FLRT3: variants seen among roughly 807,000 people sequenced by gnomAD.
The protein encoded by FLRT3 is leucine-rich repeat transmembrane protein FLRT3.
In FLRT3, 17 loss-of-function variants were observed where a neutral mutation model predicts 42.6. The ratio of observed to expected loss-of-function variants is 0.40; its 90% confidence interval spans 0.27 to 0.60. FLRT3 has a LOEUF of 0.60. Among genes scored for constraint, FLRT3 ranks in the 20% least tolerant of loss-of-function variants. The pLI is 0.44. For missense variants in FLRT3, 635 were observed against 789.2 expected (o/e 0.80, Z 2.34); for synonymous variants, 279 against 286.4 (o/e 0.97, Z 0.26).
rs2082943795 is a variant in FLRT3, at chr20:14,336,714, T to G, written c.-247+690A>C. Among the ~76,000 whole-genome samples, 2 of 152,228 alleles carry G rather than the reference T, an allele frequency of 1.3e-5. 1 individual carries two copies. Among genetic ancestry groups the G allele is most frequent in the South Asian group, 4.1e-4 (2 of 4,834 alleles). ...TTAGCCATTTACTATGCTAGTCACATACTTCACTTGCCTAAGCAATGGATT... is the reference window on the plus strand; with the variant it reads ...TTAGCCATTTACTATGCTAGTCACAGACTTCACTTGCCTAAGCAATGGATT... On this transcript the variant is annotated intron_variant, in intron 1 of 2. Transcript: ENST00000341420.
intron 1 of FLRT3, among the ~76,000 whole-genome samples, 199 bp downstream of exon 1, chr20:14,337,205 G>C (rs190306915): frequency 6.6e-6 from 1 of 152,122 alleles, no homozygotes; most frequent in Admixed American, 6.6e-5. Context: ...ATGAAAGAAG[G>C]TTCTAAGAAA....
intron 1 of FLRT3, among the ~76,000 whole-genome samples, chr20:14,334,131 A>G (rs541726051): frequency 6.6e-6 from 1 of 152,326 alleles, no homozygotes; most frequent in Non-Finnish European, 1.5e-5. Flanking sequence ...TTTTGCTTAA[A>G]TTATATTCTA....
chr20:14,327,239 G>C lies in FLRT3; in HGVS notation c.268C>G (p.Leu90Val), dbSNP rs777008938. The C allele has an allele frequency of 1.2e-6, 2 of 1,613,668 alleles. No homozygotes were observed. Among genetic ancestry groups the C allele is most frequent in the Non-Finnish European group, 1.7e-6 (2 of 1,179,746 alleles). ...AATTCATCTAAACTGTTGTGGTATA[G>C]GTATATTCTTTCTACTTTCAGCAAG... ...KNLLKVERIY[L>V]YHNSLDEFPT... Residue 90 changes from leucine (L) to valine (V), a missense_variant, in exon 3 of 3, where the codon CTA becomes GTA. By Grantham distance (32) the Leu-to-Val change is conservative (BLOSUM62 1). Transcript: ENST00000341420.
chr20:14,326,801 A>C lies in FLRT3; in HGVS notation c.706T>G (p.Ser236Ala). The change falls in exon 3 of 3, where the codon TCC becomes GCC. Residue 236 changes from serine to alanine, a missense_variant. Coordinates refer to ENST00000341420, the MANE Select transcript of FLRT3 (RefSeq NM_198391.3). This position sits in a 1 kb window ranked among gnomAD's most constrained non-coding sequence, Gnocchi z 5.5. ...AGGTTTACTGGTGCAGCAGTCAGGG[A>C]ATTCCGCACCAGGGACAGCTCTGTC... ...NLTELSLVRN[S>A]LTAAPVNLPG... 6.2e-7 allele frequency: 1 copy of C among 1,613,808 alleles called. No individual in the cohort carries two copies. Among genetic ancestry groups the C allele is most frequent in the South Asian group, 1.1e-5 (1 of 91,084 alleles).
intron 2 of FLRT3, among the ~76,000 whole-genome samples, chr20:14,328,206 A>G (rs1415968411): frequency 2.0e-5 from 3 of 152,136 alleles, no homozygotes; most frequent in Admixed American, 2.0e-4. Context: ...GATTTCTGCA[A>G]GAAAATAAGA....
rs2082717998 is a variant in FLRT3, at chr20:14,325,475, T to C, written c.*82A>G. 9 of 1,389,544 alleles carry C rather than the reference T, an allele frequency of 6.5e-6. No homozygotes were observed. The highest frequency in any genetic ancestry group is 4.3e-5 in the African/African-American group (3 of 69,192). The allele number at this position is 1,389,544 out of a possible 1,614,324, so 86.1% of individuals were successfully genotyped here. On this transcript the variant is annotated 3_prime_UTR_variant, in exon 3 of 3. Coordinates refer to ENST00000341420, the MANE Select transcript of FLRT3 (RefSeq NM_198391.3). ...TTTTTCAGTCTCTTTTTCCAGTGTT[T>C]TGCAGTAGAACAGGGTTCCTACCAT...
In FLRT3 at chr20:14,327,396, G is replaced by T; in HGVS notation, c.111C>A (p.Cys37Ter). The part of the protein sequence containing the change: ...MAKSCPSVCR[C>*]DAGFIYCNDR... The stretch of plus-strand genomic sequence containing the variant: ...CATTACAGTAAATGAAACCCGCATC[G>T]CAGCGACACACAGATGGACAGGATT... Residue 37 changes from cysteine (C) to a stop codon, truncating the protein, a stop_gained, in exon 3 of 3, where the codon TGC becomes TGA. Transcript: ENST00000341420. LOFTEE classifies it high-confidence loss of function. The T allele has an allele frequency of 6.2e-7, 1 of 1,613,628 alleles. No individual in the cohort carries two copies. Among genetic ancestry groups the T allele is most frequent in the Non-Finnish European group, 8.5e-7 (1 of 1,179,680 alleles).
chr20:14,324,724 A>G lies in FLRT3; in HGVS notation c.*833T>C, dbSNP rs1039756996. ...GATGGTATAGGCAAAACCAAAATGC[A>G]GTTTTGGTATTTGTGTTCATTACAC... On this transcript the variant is annotated 3_prime_UTR_variant, in exon 3 of 3. Coordinates refer to ENST00000341420, the MANE Select transcript of FLRT3 (RefSeq NM_198391.3). The G allele has an allele frequency of 6.6e-6, 1 of 152,142 alleles. No individual in the cohort carries two copies. Among genetic ancestry groups the G allele is most frequent in the Non-Finnish European group, 1.5e-5 (1 of 68,018 alleles). 9.4% of individuals were successfully genotyped at this position (152,142 alleles called of 1,614,324 possible).
chr20:14,325,921 A>G lies in FLRT3; in HGVS notation c.1586T>C (p.Leu529Ser). ...KEPYKNPNLP[L>S]AAIIGGAVAL... ...CACAGCCCCACCAATGATGGCAGCC[A>G]AAGGTAAATTGGGGTTTTTGTAAGG... is the stretch of plus-strand genomic sequence containing the variant. Residue 529 changes from leucine (L) to serine (S), a missense_variant, in exon 3 of 3, where the codon TTG (leucine) becomes TCG (serine). Physicochemically the swap from Leu to Ser is moderately radical, Grantham distance 145. Coordinates refer to ENST00000341420, the MANE Select transcript of FLRT3 (RefSeq NM_198391.3). The G allele has an allele frequency of 6.2e-7, 1 of 1,613,954 alleles. No individual in the cohort carries two copies. Among genetic ancestry groups the G allele is most frequent in the Non-Finnish European group, 8.5e-7 (1 of 1,179,884 alleles).
chr20:14,332,589 G>C (rs921881229), intron 1 of FLRT3, among the ~76,000 whole-genome samples: 1 of 152,094 alleles, frequency 6.6e-6, no homozygotes, highest in Non-Finnish European at 1.5e-5. Context: ...ATTAATTCAA[G>C]TATAAGGTTT....
Position 14,325,447 on chromosome 20 carries a change from CT to C in FLRT3, c.*109del. ...TATATGGCAAATGTACAGTACATTG[CT>C]TTTTTTCAGTCTCTTTTTCCAGTGT... On this transcript the variant is annotated 3_prime_UTR_variant, in exon 3 of 3. Transcript: ENST00000341420. 1.7e-6 allele frequency: 2 copies of C among 1,210,726 alleles called. No homozygotes were observed. Among genetic ancestry groups the C allele is most frequent in the Non-Finnish European group, 1.2e-6 (1 of 865,008 alleles). The allele number at this position is 1,210,726 out of a possible 1,614,324, so 75.0% of individuals were successfully genotyped here.
At chr20:14,333,332 T>A (rs1568563493) in intron 1 of FLRT3, among the ~76,000 whole-genome samples, 1 of 152,204 alleles carries the variant, frequency 6.6e-6, no homozygotes. Context: ...TTCTGCTTCA[T>A]TTATTTTGAC....
chr20:14,331,507 C>T (rs530056598), intron 1 of FLRT3, among the ~76,000 whole-genome samples: 43 of 152,124 alleles, frequency 2.8e-4, no homozygotes, highest in South Asian at 6.2e-4. Context: ...TCTCTTCTCC[C>T]CACATTGTAT....
rs1438619548 is a variant in FLRT3 at position 14,327,446 on chromosome 20, C to G, written c.61G>C (p.Val21Leu). 8 of 1,613,348 alleles carry G rather than the reference C, an allele frequency of 5.0e-6. No homozygotes were observed. In the East Asian group the frequency reaches 1.8e-4, roughly 36 times the overall value. Residue 21 changes from valine (V) to leucine (L), a missense_variant, in exon 3 of 3, where the codon GTA (valine) becomes CTA (leucine). Val to Leu is a conservative substitution (Grantham distance 32, BLOSUM62 1). Transcript: ENST00000341420. ...TTAGCCATAACTGATAGAGGTGCTA[C>G]TTGAAGGAACAGCCCAATTTTAGTC... Reference protein sequence around the residue: ...IGTKIGLFLQVAPLSVMAKSC... With the variant: ...IGTKIGLFLQLAPLSVMAKSC...
Position 14,323,798 on chromosome 20 carries a change from A to C in FLRT3, c.*1759T>G, listed in dbSNP as rs530116060. 2.0e-5 allele frequency: 3 copies of C among 152,140 alleles called. No individual in the cohort carries two copies. The highest frequency in any genetic ancestry group is 4.4e-5 in the Non-Finnish European group (3 of 68,016). The allele number at this position is 152,140 out of a possible 1,614,324, so 9.4% of individuals were successfully genotyped here. Reference sequence around the variant, plus strand: ...CACAAATGCCAACTCACTCTACTAAAAGGCTATTTTAAAAAAACAGTTTTT... The same window carrying C: ...CACAAATGCCAACTCACTCTACTAACAGGCTATTTTAAAAAAACAGTTTTT... On this transcript the variant is annotated 3_prime_UTR_variant, in exon 3 of 3. Coordinates refer to ENST00000341420, the MANE Select transcript of FLRT3 (RefSeq NM_198391.3).
chr20:14,333,619 A>G (rs952431855), intron 1 of FLRT3, among the ~76,000 whole-genome samples: 1 of 152,164 alleles, frequency 6.6e-6, no homozygotes, highest in African/African-American at 2.4e-5. Context: ...TGCAGACTTC[A>G]AATTCCTTTT....
intron 1 of FLRT3, among the ~76,000 whole-genome samples, chr20:14,334,397 T>G (rs2082898632): frequency 6.6e-6 from 1 of 152,140 alleles, no homozygotes; most frequent in Non-Finnish European, 1.5e-5. Context: ...TTCAGTAAAT[T>G]TTTGAAATGG....
Position 14,334,154 on chromosome 20 carries a change from T to TA in FLRT3, c.-247+3249dup, listed in dbSNP as rs1239917733. 3.3e-5 allele frequency among the ~76,000 whole-genome samples: 5 copies of TA among 152,340 alleles called. No homozygotes were observed. The South Asian group carries it at 1.0e-3, about 32-fold the overall frequency. On this transcript the variant is annotated intron_variant, in intron 1 of 2. Coordinates refer to ENST00000341420, the MANE Select transcript of FLRT3 (RefSeq NM_198391.3). Reference sequence around the variant, plus strand: ...AAATTATATTCTATTGCTTTCTACTTAAAATCTGTTTTCTCTGGGGTTTTC... The same window carrying TA: ...AAATTATATTCTATTGCTTTCTACTTAAAAATCTGTTTTCTCTGGGGTTTTC...
chr20:14,333,633 C>T (rs141935382), intron 1 of FLRT3, among the ~76,000 whole-genome samples: 1 of 152,264 alleles, frequency 6.6e-6, no homozygotes, highest in East Asian at 1.9e-4. Flanking sequence ...TCCTTTTTAA[C>T]AGTGTGGGTA....
Sources: allele counts gnomAD v4.1 joint callset (sites outside exome capture counted in the v4.1 genomes callset), GRCh38; gene constraint gnomAD v4.1.1; non-coding constraint Gnocchi (gnomAD v3.1); transcripts MANE v1.5; gene names NCBI Gene and HGNC (gene_info 2026-07-23, HGNC 2026-07-21).